MTG2: variants seen among roughly 807,000 people sequenced by gnomAD.
MTG2 encodes the protein mitochondrial ribosome-associated GTPase 2.
A neutral mutation model predicts 28.6 loss-of-function variants in MTG2; 23 were observed. The ratio of observed to expected loss-of-function variants is 0.80; its 90% CI spans 0.58 to 1.14. The LOEUF (loss-of-function observed/expected upper bound fraction) is 1.14. Ranked by LOEUF, MTG2 falls within the 50% of genes most tolerant of loss-of-function variation. MTG2 has a pLI of 0.00. For synonymous variants in MTG2, 260 were observed against 251.8 expected (o/e 1.03, Z -0.31); for missense variants, 539 against 552.0 (o/e 0.98, Z 0.24).
intron 1 of MTG2, among the ~76,000 whole-genome samples, chr20:62,191,656 G>A (rs552976531): frequency 2.6e-5 from 4 of 152,126 alleles, no homozygotes; most frequent in East Asian, 1.9e-4. Flanking sequence ...TTGTGCTCCC[G>A]CTCTGGCCCC....
chr20:62,194,468 A>G (rs1462549130), intron 2 of MTG2, among the ~76,000 whole-genome samples: 1 of 152,262 alleles, frequency 6.6e-6, no homozygotes, highest in Non-Finnish European at 1.5e-5. Flanking sequence ...TGTCTGGTGG[A>G]TTTTGCTTGC....
rs898107397 is a variant in MTG2, at chr20:62,193,616, A to G, written c.196A>G (p.Lys66Glu). ...CCCGGGGAAGAAGCTGCTCTCTGAG[A>G]AAAAGCTGGTGAGACTCCTGGAGTT... The part of the protein sequence containing the change: ...ELPGKKLLSE[K>E]KLKRYFVDYR... Residue 66 changes from lysine to glutamate, a missense_variant, in exon 2 of 7, where the codon AAA (lysine) becomes GAA (glutamate). Transcript: ENST00000370823. The G allele has an allele frequency of 6.2e-7, 1 of 1,610,882 alleles. No individual in the cohort carries two copies. Among genetic ancestry groups the G allele is most frequent in the Non-Finnish European group, 8.5e-7 (1 of 1,179,212 alleles).
At chr20:62,198,171 A>G (rs1029056041) in intron 4 of MTG2, 2 of 585,088 alleles carry the variant, frequency 3.4e-6, no homozygotes, top group Non-Finnish European at 6.1e-6. Context: ...CCAGGGTCTC[A>G]CACCATGTGC....
intron 1 of MTG2, among the ~76,000 whole-genome samples, chr20:62,191,974 G>A (rs1259819704): frequency 6.6e-6 from 1 of 152,242 alleles, no homozygotes; most frequent in African/African-American, 2.4e-5. Flanking sequence ...GTCTGCAGCT[G>A]TGCCAACCCT....
Position 62,201,002 on chromosome 20 carries a change from G to C in MTG2, c.1146G>C (p.Leu382=). Residue 382 remains leucine (L), a synonymous_variant, in exon 7 of 7, where the codon CTG becomes CTC. Coordinates refer to ENST00000370823, the MANE Select transcript of MTG2 (RefSeq NM_015666.4). ...CCGGCGAGAACCTGGAGCAGCTGCT[G>C]TTGCACCTGAAGGTGCTGTATGACG... The part of the protein sequence containing the change: ...ALTGENLEQL[L]LHLKVLYDAY... 1 of 1,613,548 alleles carries C rather than the reference G, an allele frequency of 6.2e-7. No homozygotes were observed. Among genetic ancestry groups the C allele is most frequent in the Non-Finnish European group, 8.5e-7 (1 of 1,180,000 alleles).
chr20:62,194,360 T>C (rs2058020693), intron 2 of MTG2, among the ~76,000 whole-genome samples: 1 of 152,216 alleles, frequency 6.6e-6, no homozygotes, highest in Non-Finnish European at 1.5e-5. Context: ...TGTGCTCAAA[T>C]AGCTGAAGCG....
Position 62,188,508 on chromosome 20 carries a change from A to ATTTTTTTTT in MTG2, c.-5-4892_-5-4884dup, listed in dbSNP as rs1192106476. On this transcript the variant is annotated intron_variant, in intron 1 of 6. Transcript: ENST00000370823. Reference sequence around the variant, plus strand: ...ACCACCATGTCCAGCTAATCAGCTAATTTTTTTTTTTTTTTTTTTTTTTTG... The same window carrying ATTTTTTTTT: ...ACCACCATGTCCAGCTAATCAGCTAATTTTTTTTTTTTTTTTTTTTTTTTTTTTTTTTTG... Among the ~76,000 whole-genome samples, 17 of 89,732 alleles carry ATTTTTTTTT rather than the reference A, an allele frequency of 1.9e-4. 1 individual carries two copies. The highest frequency in any genetic ancestry group is 3.0e-4 in the East Asian group (1 of 3,292). The allele number at this position is 89,732 out of a possible 152,430, so 58.9% of individuals were successfully genotyped here.
intron 2 of MTG2, among the ~76,000 whole-genome samples, chr20:62,195,443 A>G (rs975605437): frequency 6.6e-6 from 1 of 152,232 alleles, no homozygotes; most frequent in Non-Finnish European, 1.5e-5. Flanking sequence ...GGAAAGACAC[A>G]TTATATAAGG....
Position 62,198,618 on chromosome 20 carries a change from G to C in MTG2, c.469-16G>C, listed in dbSNP as rs374158932. The stretch of plus-strand genomic sequence containing the variant: ...TGCTGGTAGAGCTCAGCTGATGAGT[G>C]CCTGCTGTTCCCCAGGTCCCCGTGG... On this transcript the variant is annotated splice_polypyrimidine_tract_variant and intron_variant, in intron 4 of 6. Coordinates refer to ENST00000370823, the MANE Select transcript of MTG2 (RefSeq NM_015666.4). 5 of 1,611,566 alleles carry C rather than the reference G, an allele frequency of 3.1e-6. No homozygotes were observed. The Admixed American group carries it at 8.4e-5, about 27-fold the overall frequency.
In MTG2 at chr20:62,200,833, A is replaced by G. The variant is rs200284014; in HGVS notation, c.977A>G (p.Tyr326Cys). The change falls in exon 7 of 7, where the codon TAT (tyrosine) becomes TGT (cysteine). Residue 326 changes from tyrosine (Y) to cysteine (C), a missense_variant. Tyr to Cys is a radical substitution (Grantham distance 194, BLOSUM62 -2). Transcript: ENST00000370823. ...EPWTQVDDLKYELEMYEKGLS... is the reference protein window; with the variant it reads ...EPWTQVDDLKCELEMYEKGLS... ...TGGACTCAAGTTGACGATTTAAAAT[A>G]TGAACTGGAGATGTATGAAAAGGGC... is the stretch of plus-strand genomic sequence containing the variant. 16 of 1,613,850 alleles carry G rather than the reference A, an allele frequency of 9.9e-6. No homozygotes were observed. The highest frequency in any genetic ancestry group is 1.3e-5 in the African/African-American group (1 of 74,940).
rs751318547 is a variant in MTG2 at position 62,198,789 on chromosome 20, T to C, written c.624T>C (p.Pro208=). 3 of 1,614,144 alleles carry C rather than the reference T, an allele frequency of 1.9e-6. No homozygotes were observed. The East Asian group carries it at 6.7e-5, about 36-fold the overall frequency. Residue 208 remains proline, a synonymous_variant, in exon 5 of 7, where the codon CCT becomes CCC. Coordinates refer to ENST00000370823, the MANE Select transcript of MTG2 (RefSeq NM_015666.4). The stretch of plus-strand genomic sequence containing the variant: ...ACCGTGCCCCTGTGACCTGTACCCC[T>C]GGACAGCCAGGACAGCAGCGAGTTC... ...NNNRAPVTCT[P]GQPGQQRVLH... is the part of the protein sequence containing the mutation.
intron 1 of MTG2, among the ~76,000 whole-genome samples, chr20:62,190,006 T>G (rs2057924711): frequency 1.3e-5 from 2 of 152,214 alleles, no homozygotes; most frequent in African/African-American, 4.8e-5. Context: ...TAGATTTAGG[T>G]GCACTTTTAT....
rs1483019596 is a variant in MTG2, at chr20:62,200,798, G to A, written c.942G>A (p.Gln314=). ...TCTTGTTCGTGGTGGATCTTTCTCA[G>A]CCTGAGCCGTGGACTCAAGTTGACG... ...RFLLFVVDLS[Q]PEPWTQVDDL... Residue 314 remains glutamine (Q), a synonymous_variant, in exon 7 of 7, where the codon CAG becomes CAA. Coordinates refer to ENST00000370823, the MANE Select transcript of MTG2 (RefSeq NM_015666.4). The A allele has an allele frequency of 6.2e-7, 1 of 1,613,806 alleles. No individual in the cohort carries two copies. The highest frequency in any genetic ancestry group is 8.5e-7 in the Non-Finnish European group (1 of 1,180,054).
chr20:62,188,535 T>C (rs6142987), intron 1 of MTG2, among the ~76,000 whole-genome samples: 1 of 139,560 alleles, frequency 7.2e-6, no homozygotes, highest in Non-Finnish European at 1.6e-5. Context: ...TTTTTTTTGG[T>C]AGACACAAGG....
chr20:62,201,117 C>G lies in MTG2; in HGVS notation c.*40C>G. 9 of 1,529,218 alleles carry G rather than the reference C, an allele frequency of 5.9e-6. No individual in the cohort carries two copies. The highest frequency in any genetic ancestry group is 7.9e-6 in the Non-Finnish European group (9 of 1,145,158). 94.7% of individuals were successfully genotyped at this position (1,529,218 alleles called of 1,614,324 possible). A position where few individuals can be genotyped will look rare whatever the true frequency, so the allele number is the denominator to read the frequency against. On this transcript the variant is annotated 3_prime_UTR_variant, in exon 7 of 7. Transcript: ENST00000370823. ...GGTCGCCTCTGGGCCTCTGTCTGAG[C>G]AAACCTGGGTGTGAATTCGGTGGTT...
chr20:62,183,390 G>A (rs1283832379), intron 1 of MTG2, among the ~76,000 whole-genome samples: 1 of 152,252 alleles, frequency 6.6e-6, no homozygotes, highest in African/African-American at 2.4e-5. Flanking sequence ...CCGTGTGTGA[G>A]TTCCGAGTCA....
chr20:62,190,918 C>T (rs547130604), intron 1 of MTG2, among the ~76,000 whole-genome samples: 9 of 152,274 alleles, frequency 5.9e-5, no homozygotes, highest in South Asian at 4.1e-4. Flanking sequence ...TGGCCCGGCA[C>T]GGGAACTCAG....
intron 1 of MTG2, among the ~76,000 whole-genome samples, chr20:62,190,664 C>T (rs2057939677): frequency 6.6e-6 from 1 of 152,200 alleles, no homozygotes; most frequent in African/African-American, 2.4e-5. Context: ...GGATCCTGGC[C>T]TAGATCCTGG....
chr20:62,198,143 C>T, intron 4 of MTG2, 176 bp downstream of exon 4: 1 of 599,660 alleles, frequency 1.7e-6, no homozygotes. Flanking sequence ...TCAAAGCAAA[C>T]CCAGACGGGC....
Sources: gnomAD v4.1 joint callset for allele counts (sites outside exome capture counted in the v4.1 genomes callset) on GRCh38, gnomAD v4.1.1 for gene constraint, MANE v1.5 for transcripts, NCBI Gene and HGNC (gene_info 2026-07-23, HGNC 2026-07-21) for gene names.